The following MYO3B variants were observed in gnomAD, a reference collection of about 807,000 sequenced individuals.
MYO3B encodes myosin-IIIb.
Under a neutral mutation model 174.6 loss-of-function variants are expected in MYO3B, and 156 were observed. The observed-to-expected ratio is 0.89, with a 90% CI of 0.78 to 1.02. The LOEUF is 1.02. MYO3B is among the 50% of genes least tolerant of loss of function. The probability of loss-of-function intolerance (pLI) is 0.00; values close to 1 mark genes in which losing one functional copy is unlikely to be tolerated. For synonymous variants in MYO3B, 563 were observed against 569.1 expected (o/e 0.99, Z 0.15); for missense variants, 1,632 against 1,639.4 (o/e 1.00, Z 0.08).
At chr2:170,194,647 G>GT (rs1388311788) in intron 1 of MYO3B, among the ~76,000 whole-genome samples, 5 of 152,194 alleles carry the variant, frequency 3.3e-5, no homozygotes, top group Admixed American at 3.3e-4. Context: ...GCATCCTATT[G>GT]TATTAGTCAG....
At chr2:170,479,596 G>A (rs1008537834) in intron 25 of MYO3B, among the ~76,000 whole-genome samples, 6 of 144,320 alleles carry the variant, frequency 4.2e-5, no homozygotes, top group Non-Finnish European at 7.5e-5. Flanking sequence ...TATAATAAAG[G>A]TGTATTTTAT....
chr2:170,563,205 A>G (rs768013622), intron 32 of MYO3B, among the ~76,000 whole-genome samples: 2 of 152,096 alleles, frequency 1.3e-5, no homozygotes, highest in Non-Finnish European at 2.9e-5. Context: ...TTGCACACTC[A>G]AATTAGGATA....
chr2:170,445,753 C>T (rs1420469303), intron 23 of MYO3B, among the ~76,000 whole-genome samples: 1 of 152,144 alleles, frequency 6.6e-6, no homozygotes, highest in African/African-American at 2.4e-5. Context: ...TCCACCTCAG[C>T]CTCCAGAATA....
intron 22 of MYO3B, among the ~76,000 whole-genome samples, chr2:170,409,931 A>G (rs1422364819): frequency 6.6e-6 from 1 of 152,204 alleles, no homozygotes; most frequent in Non-Finnish European, 1.5e-5. Flanking sequence ...GGGGGTTATT[A>G]TGTTACAGCC....
At chr2:170,205,657 G>GTC (rs1257994361) in intron 3 of MYO3B, among the ~76,000 whole-genome samples, 6 of 152,046 alleles carry the variant, frequency 3.9e-5, no homozygotes, top group Non-Finnish European at 8.8e-5. Flanking sequence ...CTCAAAAAAA[G>GTC]TCTCCCAAAT....
At chr2:170,398,372 C>G (rs2094453642) in intron 16 of MYO3B, among the ~76,000 whole-genome samples, 1 of 152,150 alleles carries the variant, frequency 6.6e-6, no homozygotes, top group South Asian at 2.1e-4. Flanking sequence ...GTTCACCAAC[C>G]TGAAAGCTCT....
intron 22 of MYO3B, among the ~76,000 whole-genome samples, chr2:170,409,330 G>T (rs2094531117): frequency 6.6e-6 from 1 of 152,146 alleles, no homozygotes; most frequent in Admixed American, 6.5e-5. Context: ...GATAACCTCC[G>T]CCGCTGCGTC....
chr2:170,486,867 A>G (rs992847688), intron 25 of MYO3B, among the ~76,000 whole-genome samples: 7 of 152,168 alleles, frequency 4.6e-5, no homozygotes, highest in Admixed American at 2.6e-4. Context: ...AGAAGCTTCT[A>G]AGCATCTACC....
chr2:170,283,907 G>A (rs1193901198), intron 7 of MYO3B, among the ~76,000 whole-genome samples: 10 of 152,196 alleles, frequency 6.6e-5, no homozygotes, highest in Non-Finnish European at 1.5e-4. Flanking sequence ...GTGCAAAGAT[G>A]CATACATGTA....
chr2:170,602,943 G>A (rs548335832), intron 32 of MYO3B, among the ~76,000 whole-genome samples: 3 of 151,970 alleles, frequency 2.0e-5, no homozygotes, highest in Non-Finnish European at 4.4e-5. Flanking sequence ...GTGCATGTGC[G>A]TGTAGTCCCA....
At chr2:170,301,477 C>T (rs892754821) in intron 7 of MYO3B, among the ~76,000 whole-genome samples, 2 of 152,130 alleles carry the variant, frequency 1.3e-5, no homozygotes, top group African/African-American at 4.8e-5. Context: ...AAAACATGAT[C>T]AAAATAATGT....
chr2:170,230,336 ATTT>A (rs60171555), intron 6 of MYO3B, among the ~76,000 whole-genome samples: 2 of 64,722 alleles, frequency 3.1e-5, no homozygotes, highest in East Asian at 5.5e-4. Context: ...CGCCTGGCTA[ATTT>A]TTTTTTTTTT....
At position 170,645,922 on chromosome 2, in the gene MYO3B, G is replaced by A. The variant is rs141999614; in HGVS notation, c.3734-5706G>A. On this transcript the variant is annotated intron_variant, in intron 32 of 34. Transcript: ENST00000408978. ...GATATGAAACAATTTTTATATCTGA[G>A]TTAATTTCTTCTCGATTATTAAATA... 7.6e-3 allele frequency among the ~76,000 whole-genome samples: 1,154 copies of A among 152,256 alleles called. 9 individuals carry two copies. Among genetic ancestry groups the A allele is most frequent in the Middle Eastern group, 0.031 (9 of 294 alleles).
chr2:170,555,813 A>C (rs1691247010), intron 32 of MYO3B, among the ~76,000 whole-genome samples: 1 of 152,146 alleles, frequency 6.6e-6, no homozygotes, highest in Non-Finnish European at 1.5e-5. Context: ...TCGAGGGTGC[A>C]GTGAGCTATG....
chr2:170,312,622 TG>T (rs1320361028), intron 7 of MYO3B, among the ~76,000 whole-genome samples: 1 of 152,230 alleles, frequency 6.6e-6, no homozygotes, highest in Non-Finnish European at 1.5e-5. Context: ...GAATCCTGCG[TG>T]GAAGGCTGGT....
intron 33 of MYO3B, 31 bp from the exon 34 acceptor site, chr2:170,652,077 T>G: frequency 6.2e-7 from 1 of 1,602,356 alleles, no homozygotes; most frequent in East Asian, 2.2e-5. Flanking sequence ...GCTGCTTTGC[T>G]TTGACTGTGT....
At chr2:170,601,120 A>G (rs929931445) in intron 32 of MYO3B, among the ~76,000 whole-genome samples, 5 of 152,020 alleles carry the variant, frequency 3.3e-5, no homozygotes, top group Non-Finnish European at 7.3e-5. Flanking sequence ...TCCCCTCAAG[A>G]AGAAAAATTT....
At chr2:170,205,117 C>T (rs895085392) in intron 3 of MYO3B, among the ~76,000 whole-genome samples, 1 of 152,144 alleles carries the variant, frequency 6.6e-6, no homozygotes, top group African/African-American at 2.4e-5. Context: ...TATACTCTGA[C>T]ATTTAGTGAA....
chr2:170,222,508 T>C (rs1403738991), intron 6 of MYO3B, among the ~76,000 whole-genome samples: 2 of 152,034 alleles, frequency 1.3e-5, no homozygotes, highest in Non-Finnish European at 2.9e-5. Flanking sequence ...CTACTGGAGG[T>C]TTGCTGGTGA....
Sources: allele counts gnomAD v4.1 joint callset (sites outside exome capture counted in the v4.1 genomes callset), GRCh38; gene constraint gnomAD v4.1.1; transcripts MANE v1.5; gene names NCBI Gene and HGNC (gene_info 2026-07-23, HGNC 2026-07-21).